TMED3: variants seen among roughly 807,000 people sequenced by gnomAD.
The protein encoded by TMED3 is transmembrane emp24 domain-containing protein 3.
In TMED3, 9 loss-of-function variants were observed where a neutral mutation model predicts 15.0. The ratio of observed to expected loss-of-function variants is 0.60; its 90% CI spans 0.36 to 1.04. TMED3 has a LOEUF of 1.04. Among genes scored for constraint, TMED3 ranks in the 50% least tolerant of loss-of-function variants. The probability of loss-of-function intolerance (pLI) is 0.01; values close to 1 mark genes in which losing one functional copy is unlikely to be tolerated. For synonymous variants in TMED3, 117 were observed against 121.4 expected (o/e 0.96, Z 0.24); for missense variants, 267 against 278.9 (o/e 0.96, Z 0.30).
At chr15:79,345,954 G>T (rs567023208) in intron 2 of TMED3, among the ~76,000 whole-genome samples, 1 of 152,192 alleles carries the variant, frequency 6.6e-6, no homozygotes, top group South Asian at 2.1e-4. Context: ...GCCTTCTTTT[G>T]AAAAGTATCT....
At chr15:79,370,911 T>C (rs988614936) in intron 2 of TMED3, among the ~76,000 whole-genome samples, 1 of 152,206 alleles carries the variant, frequency 6.6e-6, no homozygotes, top group African/African-American at 2.4e-5. Context: ...ATTGCCTGAA[T>C]ACACAAACAG....
chr15:79,342,173 A>G (rs2058854049), intron 2 of TMED3, among the ~76,000 whole-genome samples: 1 of 152,196 alleles, frequency 6.6e-6, no homozygotes, highest in Non-Finnish European at 1.5e-5. Flanking sequence ...AGGATAAAAG[A>G]TCTTACATCA....
At chr15:79,344,754 G>A (rs540681345) in intron 2 of TMED3, among the ~76,000 whole-genome samples, 1 of 152,286 alleles carries the variant, frequency 6.6e-6, no homozygotes, top group African/African-American at 2.4e-5. Context: ...TTTGGATCTG[G>A]CAAGGTCGAG....
At chr15:79,410,698 G>GTATATATATATATATATA (rs71150909) in intron 2 of TMED3, among the ~76,000 whole-genome samples, 1 of 148,922 alleles carries the variant, frequency 6.7e-6, no homozygotes, top group African/African-American at 2.5e-5. Flanking sequence ...ATGTGTGTGT[G>GTATATATATATATATATA]TATATATATA....
intron 2 of TMED3, among the ~76,000 whole-genome samples, chr15:79,398,902 T>TTTTG (rs900937073): frequency 3.9e-5 from 6 of 152,252 alleles, no homozygotes; most frequent in East Asian, 1.9e-4. Context: ...TTTAAATGTT[T>TTTTG]TTTGTTTGTT....
intron 2 of TMED3, among the ~76,000 whole-genome samples, chr15:79,357,165 A>T (rs1444617240): frequency 6.6e-6 from 1 of 152,144 alleles, no homozygotes; most frequent in Non-Finnish European, 1.5e-5. Context: ...TCCATTTTCT[A>T]TGTTATACTC....
At chr15:79,395,220 C>T (rs1011225756) in intron 2 of TMED3, among the ~76,000 whole-genome samples, 2 of 152,178 alleles carry the variant, frequency 1.3e-5, no homozygotes, top group Admixed American at 1.3e-4. Flanking sequence ...ACTCTTGTTG[C>T]CCAGGCTGGA....
chr15:79,406,677 C>A lies in TMED3; in HGVS notation c.418-4723C>A, dbSNP rs557945496. Among the ~76,000 whole-genome samples the A allele has an allele frequency of 9.2e-5, 14 of 152,298 alleles. No homozygotes were observed. In the South Asian group the frequency reaches 1.5e-3, roughly 16 times the overall value. On this transcript the variant is annotated intron_variant, in intron 2 of 2. Coordinates refer to the TMED3 transcript ENST00000424155. ...TAGGAGGAACAGTGATTTTCTGTTG[C>A]AGCAGTTAACATTGACCTTTGCTCA...
chr15:79,311,803 A>G (rs2058716162), intron 1 of TMED3, among the ~76,000 whole-genome samples: 1 of 152,100 alleles, frequency 6.6e-6, no homozygotes, highest in Non-Finnish European at 1.5e-5. Context: ...TGTGCCTTCG[A>G]GTACTGAAAA....
intron 2 of TMED3, among the ~76,000 whole-genome samples, chr15:79,387,781 A>G (rs942056107): frequency 1.3e-5 from 2 of 152,080 alleles, no homozygotes; most frequent in East Asian, 1.9e-4. Flanking sequence ...ATAAAGTTTT[A>G]TATTTCTGTT....
At chr15:79,329,489 G>C (rs1036333225) in intron 2 of TMED3, among the ~76,000 whole-genome samples, 1 of 152,204 alleles carries the variant, frequency 6.6e-6, no homozygotes, top group East Asian at 1.9e-4. Context: ...CTTGTACTTG[G>C]CTCAGAGCCA....
intron 2 of TMED3, among the ~76,000 whole-genome samples, chr15:79,366,493 C>T (rs1893237947): frequency 6.6e-6 from 1 of 152,232 alleles, no homozygotes; most frequent in African/African-American, 2.4e-5. Context: ...ACTTCCATGG[C>T]TGTTGTTATA....
intron 2 of TMED3, among the ~76,000 whole-genome samples, chr15:79,360,264 G>T (rs1159850220): frequency 6.6e-6 from 1 of 152,090 alleles, no homozygotes; most frequent in African/African-American, 2.4e-5. Flanking sequence ...TGTGGGGTGG[G>T]CTCCACACAG....
chr15:79,322,397 G>A lies in TMED3; in HGVS notation c.*183G>A. On this transcript the variant is annotated 3_prime_UTR_variant, in exon 3 of 3. Coordinates refer to ENST00000299705, the MANE Select transcript of TMED3 (RefSeq NM_007364.4). ...CAGCAGCTGAAGGTCTCAGAGACCA[G>A]TAATCAGAAGGCATCCGACTGCATT... 2 of 1,431,558 alleles carry A rather than the reference G, an allele frequency of 1.4e-6. No homozygotes were observed. The highest frequency in any genetic ancestry group is 1.8e-6 in the Non-Finnish European group (2 of 1,096,854). The allele number at this position is 1,431,558 out of a possible 1,614,324, so 88.7% of individuals were successfully genotyped here.
chr15:79,354,668 A>T (rs1157567342), intron 2 of TMED3, among the ~76,000 whole-genome samples: 1 of 152,144 alleles, frequency 6.6e-6, no homozygotes, highest in African/African-American at 2.4e-5. Context: ...TCACTAAGGA[A>T]AAAAGGGGAC....
intron 2 of TMED3, chr15:79,384,587 A>G (rs1045700543): frequency 6.6e-6 from 1 of 152,230 alleles, no homozygotes; most frequent in Admixed American, 6.5e-5. Context: ...ATCAAACTCA[A>G]AAAGTTCCCC....
chr15:79,353,298 TTATATATATTATATATATAA>T (rs1387201072), intron 2 of TMED3, among the ~76,000 whole-genome samples: 18,627 of 37,064 alleles, frequency 0.5, 4,444 homozygotes, highest in Middle Eastern at 0.66. Flanking sequence ...TATATGTATA[TTATATATATTATATATATAA>T]TATATATAAT....
intron 2 of TMED3, among the ~76,000 whole-genome samples, chr15:79,411,237 T>G (rs1893974521): frequency 1.3e-5 from 2 of 152,294 alleles, no homozygotes; most frequent in East Asian, 3.9e-4. Context: ...GTAAACTTTC[T>G]GGCTAGGGGA....
chr15:79,318,972 C>T (rs1160997353), intron 2 of TMED3, among the ~76,000 whole-genome samples: 1 of 152,160 alleles, frequency 6.6e-6, no homozygotes, highest in Non-Finnish European at 1.5e-5. Context: ...GCCCACCTAC[C>T]AAATGCAGGG....
Sources: gnomAD v4.1 joint callset for allele counts (sites outside exome capture counted in the v4.1 genomes callset) on GRCh38, gnomAD v4.1.1 for gene constraint, MANE v1.5 for transcripts, NCBI Gene and HGNC (gene_info 2026-07-23, HGNC 2026-07-21) for gene names.